The following CACNA2D1 variants were observed in gnomAD, a reference collection of about 807,000 sequenced individuals.
CACNA2D1 encodes voltage-dependent calcium channel subunit alpha-2/delta-1.
CACNA2D1 carries 53 observed loss-of-function variants against 171.5 expected under a neutral mutation model. That is an observed-to-expected ratio of 0.31 (90% CI 0.25 to 0.39). CACNA2D1 has a LOEUF of 0.39. Among genes scored for constraint, CACNA2D1 ranks in the 10% least tolerant of loss-of-function variants. The pLI, the probability that CACNA2D1 is intolerant of heterozygous loss-of-function variation, is 1.00. For missense variants in CACNA2D1, 903 were observed against 1,299.8 expected (o/e 0.69, Z 4.69); for synonymous variants, 442 against 443.1 (o/e 1.00, Z 0.03).
At chr7:82,368,618 T>C (rs1327819716) in intron 1 of CACNA2D1, among the ~76,000 whole-genome samples, 1 of 152,154 alleles carries the variant, frequency 6.6e-6, no homozygotes, top group Non-Finnish European at 1.5e-5. Context: ...TTTCCCAGAG[T>C]TGCTAAGAGA....
chr7:81,983,008 T>C (rs1410791923), intron 23 of CACNA2D1, among the ~76,000 whole-genome samples: 1 of 152,164 alleles, frequency 6.6e-6, no homozygotes, highest in African/African-American at 2.4e-5. Flanking sequence ...GAAAATGATG[T>C]TAAAAAACTC....
intron 2 of CACNA2D1, among the ~76,000 whole-genome samples, chr7:82,347,752 T>A (rs2129445650): frequency 6.6e-6 from 1 of 152,330 alleles, no homozygotes; most frequent in South Asian, 2.1e-4. Flanking sequence ...TTTGGAATTT[T>A]TCTGTGACCG....
chr7:82,270,366 G>C (rs1377017113), intron 3 of CACNA2D1, among the ~76,000 whole-genome samples: 1 of 151,958 alleles, frequency 6.6e-6, no homozygotes, highest in African/African-American at 2.4e-5. Context: ...CTCCATCTGG[G>C]CTCTTTGGCT....
intron 4 of CACNA2D1, among the ~76,000 whole-genome samples, chr7:82,159,764 A>C (rs1266661400): frequency 7.0e-6 from 1 of 142,786 alleles, no homozygotes; most frequent in African/African-American, 2.6e-5. Context: ...ACACAGCCAA[A>C]GCACAGATGC....
chr7:81,958,260 T>G (rs1478002242), intron 38 of CACNA2D1, among the ~76,000 whole-genome samples: 1 of 152,124 alleles, frequency 6.6e-6, no homozygotes, highest in East Asian at 1.9e-4. Flanking sequence ...TAATTTATAT[T>G]ATCTAATTGC....
intron 3 of CACNA2D1, among the ~76,000 whole-genome samples, chr7:82,231,721 C>A (rs1802955213): frequency 6.6e-6 from 1 of 152,064 alleles, no homozygotes; most frequent in Admixed American, 6.6e-5. Flanking sequence ...AGAACAAAAT[C>A]ATAAAAACAT....
intron 4 of CACNA2D1, among the ~76,000 whole-genome samples, chr7:82,152,092 G>T (rs1007063489): frequency 2.0e-5 from 3 of 151,878 alleles, no homozygotes; most frequent in Non-Finnish European, 4.4e-5. Flanking sequence ...AAAGTTAAAT[G>T]TATCAAACTA....
intron 3 of CACNA2D1, among the ~76,000 whole-genome samples, chr7:82,297,069 T>G (rs1585385260): frequency 5.6e-5 from 2 of 35,984 alleles, no homozygotes; most frequent in South Asian, 2.0e-3. Context: ...GCTCTGTGTC[T>G]ACCAAAAAAA....
intron 4 of CACNA2D1, among the ~76,000 whole-genome samples, chr7:82,163,957 A>G (rs73705853): frequency 0.094 from 14,335 of 151,940 alleles, 1,003 homozygotes; most frequent in African/African-American, 0.18. Context: ...GAGATCACAG[A>G]GCCAAGAGTT....
chr7:82,146,983 CAAAAAAAAAAA>C (rs764990586), intron 4 of CACNA2D1, among the ~76,000 whole-genome samples: 8 of 25,502 alleles, frequency 3.1e-4, no homozygotes, highest in Admixed American at 8.4e-4. Flanking sequence ...ACTCCCATCT[CAAAAAAAAAAA>C]AAAAAAAAAA....
intron 18 of CACNA2D1, among the ~76,000 whole-genome samples, chr7:82,002,871 C>T (rs1798747297): frequency 6.6e-6 from 1 of 151,300 alleles, no homozygotes; most frequent in Non-Finnish European, 1.5e-5. Flanking sequence ...AAAGAACACT[C>T]ATCTTCTACA....
intron 3 of CACNA2D1, among the ~76,000 whole-genome samples, chr7:82,237,913 A>G (rs912648092): frequency 3.3e-5 from 5 of 152,060 alleles, no homozygotes; most frequent in Admixed American, 3.3e-4. Context: ...TATAAAGAAT[A>G]AAGTACAGTT....
intron 3 of CACNA2D1, among the ~76,000 whole-genome samples, chr7:82,314,047 T>C (rs912446587): frequency 2.6e-5 from 4 of 152,202 alleles, no homozygotes; most frequent in Admixed American, 1.3e-4. Context: ...TGGGAGAATA[T>C]ATACCTTTCT....
At chr7:82,404,832 T>C (rs1826845024) in intron 1 of CACNA2D1, among the ~76,000 whole-genome samples, 1 of 152,158 alleles carries the variant, frequency 6.6e-6, no homozygotes, top group African/African-American at 2.4e-5. Flanking sequence ...ATTTGCCAAA[T>C]ATGGCCCATT....
At chr7:82,370,883 T>C (rs1329572879) in intron 1 of CACNA2D1, among the ~76,000 whole-genome samples, 2 of 152,096 alleles carry the variant, frequency 1.3e-5, no homozygotes, top group Non-Finnish European at 2.9e-5. Flanking sequence ...AATAAAGGAT[T>C]TTAAAATAAT....
intron 1 of CACNA2D1, among the ~76,000 whole-genome samples, chr7:82,439,667 C>T (rs1217639424): frequency 6.6e-6 from 1 of 151,080 alleles, no homozygotes; most frequent in South Asian, 2.1e-4. Flanking sequence ...AATAGCTACA[C>T]ATATAGCTAT....
chr7:82,118,984 C>T lies in CACNA2D1; in HGVS notation c.397-1811G>A, dbSNP rs533326498. Among the ~76,000 whole-genome samples the T allele has an allele frequency of 2.1e-3, 322 of 152,136 alleles. 1 individual carries two copies. The highest frequency in any genetic ancestry group is 7.1e-3 in the African/African-American group (296 of 41,558). The stretch of plus-strand genomic sequence containing the variant: ...CTACTGTTCCTTATACCATCATACT[C>T]CATGTCTTTACTTATCTTTATATAT... On this transcript the variant is annotated intron_variant, in intron 5 of 38. Transcript: ENST00000356860.
chr7:81,963,925 G>A (rs1444217010), intron 34 of CACNA2D1, 131 bp downstream of exon 34: 3 of 730,020 alleles, frequency 4.1e-6, no homozygotes, highest in Non-Finnish European at 4.8e-6. Flanking sequence ...AATAGGTGAT[G>A]TAAAGAATGA....
chr7:81,974,633 T>C, intron 24 of CACNA2D1, 81 bp from the exon 25 acceptor site: 2 of 705,652 alleles, frequency 2.8e-6, no homozygotes, highest in Non-Finnish European at 4.9e-6. Context: ...AACACTATTT[T>C]TTTTTTTTAT....
Sources: gnomAD v4.1 joint callset for allele counts (sites outside exome capture counted in the v4.1 genomes callset) on GRCh38, gnomAD v4.1.1 for gene constraint, MANE v1.5 for transcripts, NCBI Gene and HGNC (gene_info 2026-07-23, HGNC 2026-07-21) for gene names.